Variants in EPHA7 observed in about 807,000 individuals in gnomAD.
EPHA7 encodes the protein ephrin type-A receptor 7.
EPHA7 carries 25 observed loss-of-function variants against 112.6 expected under a neutral mutation model. That is an observed-to-expected ratio of 0.22 (90% CI 0.16 to 0.31). The LOEUF (loss-of-function observed/expected upper bound fraction) is 0.31, where lower values mean the gene tolerates loss of function less well. Ranked by LOEUF, EPHA7 falls within the 10% of genes least tolerant of loss-of-function variation. The pLI is 1.00. For missense variants in EPHA7, 962 were observed against 1,212.6 expected, an observed-to-expected ratio of 0.79 and a Z score of 3.07; for synonymous variants, 437 against 406.5, an observed-to-expected ratio of 1.07 and a Z score of -0.90.
intron 5 of EPHA7, among the ~76,000 whole-genome samples, chr6:93,286,033 T>C: frequency 6.6e-6 from 1 of 152,166 alleles, no homozygotes; most frequent in Non-Finnish European, 1.5e-5. Context: ...ATGTGAAATA[T>C]TTATTACCTG....
chr6:93,287,350 G>A (rs949873199), intron 5 of EPHA7, among the ~76,000 whole-genome samples: 63 of 151,626 alleles, frequency 4.2e-4, no homozygotes, highest in African/African-American at 1.4e-3. Context: ...GTCTGGCTTC[G>A]GTCCACCTCA....
At chr6:93,284,325 T>A (rs969379806) in intron 5 of EPHA7, among the ~76,000 whole-genome samples, 5 of 144,192 alleles carry the variant, frequency 3.5e-5, no homozygotes, top group Non-Finnish European at 7.8e-5. Context: ...CATTTATTTT[T>A]TTTTTTCAAA....
At chr6:93,335,578 T>C (rs1234376318) in intron 5 of EPHA7, among the ~76,000 whole-genome samples, 1 of 152,078 alleles carries the variant, frequency 6.6e-6, no homozygotes. Flanking sequence ...TGTAGAATAG[T>C]AGTGGGAAAA....
At chr6:93,303,200 G>A (rs1476332768) in intron 5 of EPHA7, among the ~76,000 whole-genome samples, 3 of 152,126 alleles carry the variant, frequency 2.0e-5, no homozygotes, top group Non-Finnish European at 2.9e-5. Flanking sequence ...ACCAGAGAAT[G>A]TGAAGTTATA....
chr6:93,393,053 CAT>C (rs1230129884), intron 3 of EPHA7, among the ~76,000 whole-genome samples: 3 of 151,800 alleles, frequency 2.0e-5, no homozygotes, highest in African/African-American at 7.3e-5. Context: ...ATTAAATAAT[CAT>C]ATGTGGCTGT....
chr6:93,407,304 A>G (rs1199083239), intron 3 of EPHA7, among the ~76,000 whole-genome samples: 1 of 152,022 alleles, frequency 6.6e-6, no homozygotes, highest in Non-Finnish European at 1.5e-5. Context: ...TCTCCCAAAC[A>G]CATTAGTTTT....
chr6:93,272,535 G>A (rs1771278903), intron 5 of EPHA7, 113 bp from the exon 6 acceptor site: 1 of 1,300,836 alleles, frequency 7.7e-7, no homozygotes, highest in Non-Finnish European at 1.1e-6. Context: ...GTAAAAGAAA[G>A]CACCTTTTCA....
At chr6:93,299,917 A>G (rs762328633) in intron 5 of EPHA7, among the ~76,000 whole-genome samples, 2 of 152,172 alleles carry the variant, frequency 1.3e-5, no homozygotes, top group African/African-American at 2.4e-5. Flanking sequence ...AGTGGGAGCT[A>G]AAGGATGGGA....
chr6:93,266,347 C>G (rs1006617039), intron 7 of EPHA7, among the ~76,000 whole-genome samples: 10 of 151,534 alleles, frequency 6.6e-5, no homozygotes, highest in Non-Finnish European at 1.5e-4. Flanking sequence ...TTGTCTTAGG[C>G]TCAGTTTTTC....
chr6:93,400,084 G>A (rs1031707284), intron 3 of EPHA7, among the ~76,000 whole-genome samples: 4 of 151,926 alleles, frequency 2.6e-5, no homozygotes, highest in African/African-American at 7.3e-5. Context: ...ATCTCTCTTC[G>A]AGGATAAAAG....
At chr6:93,289,566 T>C (rs2127834299) in intron 5 of EPHA7, among the ~76,000 whole-genome samples, 1 of 151,900 alleles carries the variant, frequency 6.6e-6, no homozygotes, top group East Asian at 1.9e-4. Context: ...GGGGCTTGCA[T>C]TGGGCCAAGA....
intron 9 of EPHA7, among the ~76,000 whole-genome samples, 159 bp from the exon 10 acceptor site, chr6:93,259,638 G>A (rs183378981): frequency 3.4e-4 from 51 of 152,062 alleles, no homozygotes; most frequent in Non-Finnish European, 4.6e-4. Context: ...GTCTGCTGGC[G>A]TATAGGTATT....
At chr6:93,343,223 T>A (rs1481702474) in intron 5 of EPHA7, among the ~76,000 whole-genome samples, 1 of 151,664 alleles carries the variant, frequency 6.6e-6, no homozygotes, top group African/African-American at 2.4e-5. Flanking sequence ...ATACTTCAAA[T>A]TAAAACATAA....
intron 3 of EPHA7, among the ~76,000 whole-genome samples, chr6:93,390,062 G>C (rs918930946): frequency 1.3e-5 from 2 of 151,774 alleles, no homozygotes; most frequent in African/African-American, 2.4e-5. Context: ...TTTAGCATCA[G>C]AAATAAGGAG....
Position 93,243,172 on chromosome 6 carries a change from G to C in EPHA7, c.*254C>G. The C allele has an allele frequency of 2.9e-6, 1 of 340,150 alleles. No homozygotes were observed. The highest frequency in any genetic ancestry group is 5.3e-6 in the Non-Finnish European group (1 of 188,032). The allele number at this position is 340,150 out of a possible 1,614,324, so 21.1% of individuals were successfully genotyped here. On this transcript the variant is annotated 3_prime_UTR_variant, in exon 17 of 17. Coordinates refer to ENST00000369303, the MANE Select transcript of EPHA7 (RefSeq NM_004440.4). ...GGAGGTTAGAGAGCTCAAGGTGTTT[G>C]GATGTTTTTCAGGTAGTACTTTGTT...
chr6:93,345,625 T>C (rs1268765544), intron 5 of EPHA7, among the ~76,000 whole-genome samples: 2 of 151,746 alleles, frequency 1.3e-5, no homozygotes, highest in Non-Finnish European at 3.0e-5. Flanking sequence ...GTTCATTGCT[T>C]ACACTAGTAC....
At chr6:93,391,967 C>T (rs906571742) in intron 3 of EPHA7, among the ~76,000 whole-genome samples, 3 of 151,716 alleles carry the variant, frequency 2.0e-5, no homozygotes, top group African/African-American at 7.3e-5. Context: ...TATCAGACAG[C>T]GTTAGACTCA....
chr6:93,295,942 A>G (rs930555888), intron 5 of EPHA7, among the ~76,000 whole-genome samples: 16 of 151,960 alleles, frequency 1.1e-4, no homozygotes, highest in Non-Finnish European at 1.5e-5. Flanking sequence ...GCAGACACAC[A>G]CAAACATACC....
chr6:93,329,506 C>A (rs1049546013), intron 5 of EPHA7, among the ~76,000 whole-genome samples: 1 of 151,312 alleles, frequency 6.6e-6, no homozygotes, highest in Non-Finnish European at 1.5e-5. Flanking sequence ...TAATAAAGAA[C>A]ATGAGTGCTA....
Sources: allele counts gnomAD v4.1 joint callset (sites outside exome capture counted in the v4.1 genomes callset), GRCh38; gene constraint gnomAD v4.1.1; transcripts MANE v1.5; gene names NCBI Gene and HGNC (gene_info 2026-07-23, HGNC 2026-07-21).